The following LIN54 variants were observed in gnomAD, a reference collection of about 807,000 sequenced individuals.
The protein encoded by LIN54 is protein lin-54 homolog.
A neutral mutation model predicts 78.7 loss-of-function variants in LIN54; 9 were observed. The ratio of observed to expected loss-of-function variants is 0.11; its 90% confidence interval spans 0.07 to 0.20. The LOEUF (loss-of-function observed/expected upper bound fraction) is 0.20. Among genes scored for constraint, LIN54 ranks in the 10% least tolerant of loss-of-function variants. The pLI is 1.00. For missense variants in LIN54, 573 were observed against 889.9 expected (o/e 0.64, Z 4.53); for synonymous variants, 269 against 318.4 (o/e 0.84, Z 1.65).
At chr4:82,955,428 C>CAG (rs1724228078) in intron 4 of LIN54, among the ~76,000 whole-genome samples, 2 of 90,146 alleles carry the variant, frequency 2.2e-5, no homozygotes, top group South Asian at 6.1e-4. Context: ...ACATAATGAA[C>CAG]AGACAAGCCA....
At chr4:82,961,930 TG>T (rs1724831128) in intron 4 of LIN54, among the ~76,000 whole-genome samples, 2 of 149,030 alleles carry the variant, frequency 1.3e-5, no homozygotes, top group Admixed American at 1.4e-4. Flanking sequence ...CACTCCAGTC[TG>T]GGCAACAGAG....
chr4:82,998,399 C>T (rs937011727), intron 1 of LIN54, among the ~76,000 whole-genome samples: 1 of 151,960 alleles, frequency 6.6e-6, no homozygotes, highest in African/African-American at 2.4e-5. Flanking sequence ...AAAAATTAGC[C>T]GGGCATGGTG....
At chr4:82,945,264 C>T (rs1578512693) in intron 5 of LIN54, among the ~76,000 whole-genome samples, 1 of 152,188 alleles carries the variant, frequency 6.6e-6, no homozygotes, top group African/African-American at 2.4e-5. Context: ...TGCTTCTTGA[C>T]ATTGTCAGAA....
At chr4:82,988,399 A>G (rs979428110) in intron 1 of LIN54, among the ~76,000 whole-genome samples, 3 of 152,172 alleles carry the variant, frequency 2.0e-5, no homozygotes, top group Non-Finnish European at 4.4e-5. Flanking sequence ...GTACAAATTG[A>G]CCACAATTTG....
chr4:83,008,372 C>A (rs763275662), intron 1 of LIN54, among the ~76,000 whole-genome samples: 1 of 152,116 alleles, frequency 6.6e-6, no homozygotes, highest in Non-Finnish European at 1.5e-5. Flanking sequence ...GAAAATCGGC[C>A]GGGCGCAGTG....
Position 82,992,637 on chromosome 4 carries a change from G to A in LIN54, c.-32-7761C>T, listed in dbSNP as rs142276011. On this transcript the variant is annotated intron_variant, in intron 1 of 12. Transcript: ENST00000340417. ...TGGCGTGAACACGACTCACTGAAGC[G>A]TCGAATTCCCAGGCTCAAGCAATCC... Among the ~76,000 whole-genome samples the A allele has an allele frequency of 3.3e-3, 501 of 152,258 alleles. 2 individuals are homozygous for A. The highest frequency in any genetic ancestry group is 0.011 in the African/African-American group (474 of 41,530).
At chr4:82,956,570 G>A (rs1235418457) in intron 4 of LIN54, among the ~76,000 whole-genome samples, 3 of 151,972 alleles carry the variant, frequency 2.0e-5, no homozygotes, top group Non-Finnish European at 2.9e-5. Flanking sequence ...AGCTGTGATC[G>A]CACCACTGCA....
At chr4:82,947,235 A>ATATATATATGT in intron 4 of LIN54, among the ~76,000 whole-genome samples, 1 of 44,292 alleles carries the variant, frequency 2.3e-5, no homozygotes, top group African/African-American at 1.0e-4. Flanking sequence ...ATATATATAT[A>ATATATATATGT]TTTTTTTTTT....
chr4:82,948,447 T>C (rs1200515858), intron 4 of LIN54, among the ~76,000 whole-genome samples: 1 of 152,192 alleles, frequency 6.6e-6, no homozygotes, highest in East Asian at 1.9e-4. Context: ...TTAAGGTATA[T>C]CACATGATGT....
At chr4:83,012,909 G>A (rs887082022), upstream of LIN54, 1 of 151,536 alleles carries the variant, frequency 6.6e-6, no homozygotes, top group African/African-American at 2.4e-5. Flanking sequence ...CACGCGCCCA[G>A]CCCCATTCCA....
At chr4:82,989,689 G>C (rs1435674835) in intron 1 of LIN54, among the ~76,000 whole-genome samples, 3 of 152,210 alleles carry the variant, frequency 2.0e-5, no homozygotes, top group Non-Finnish European at 4.4e-5. Flanking sequence ...TAAAGCACCT[G>C]AAATTAAAGA....
intron 1 of LIN54, among the ~76,000 whole-genome samples, chr4:83,007,680 G>A (rs1200149880): frequency 6.6e-6 from 1 of 152,094 alleles, no homozygotes; most frequent in African/African-American, 2.4e-5. Context: ...CTGAGCTCAG[G>A]AGTTTGAGAC....
chr4:82,989,421 A>G (rs568765990), intron 1 of LIN54, among the ~76,000 whole-genome samples: 32 of 152,278 alleles, frequency 2.1e-4, no homozygotes, highest in Admixed American at 1.8e-3. Context: ...TACATCAGCA[A>G]TGACAATCAC....
chr4:83,003,676 C>A (rs1451424290), intron 1 of LIN54, among the ~76,000 whole-genome samples: 2 of 151,644 alleles, frequency 1.3e-5, no homozygotes, highest in South Asian at 2.1e-4. Context: ...CAGGTGTGCA[C>A]CACCATGACT....
At chr4:82,949,432 G>A (rs1473157652) in intron 4 of LIN54, among the ~76,000 whole-genome samples, 1 of 151,612 alleles carries the variant, frequency 6.6e-6, no homozygotes, top group African/African-American at 2.4e-5. Context: ...AGTTTCACTC[G>A]GTTGCCCAAG....
intron 1 of LIN54, among the ~76,000 whole-genome samples, chr4:82,989,951 A>C (rs552112513): frequency 2.9e-4 from 44 of 152,266 alleles, no homozygotes; most frequent in African/African-American, 1.0e-3. Context: ...GTGTACAACA[A>C]CCAAAGCACC....
intron 4 of LIN54, among the ~76,000 whole-genome samples, chr4:82,949,019 G>A (rs986098612): frequency 1.3e-5 from 2 of 152,140 alleles, no homozygotes; most frequent in African/African-American, 4.8e-5. Context: ...CATTTCTTCT[G>A]AACATATTCC....
At chr4:83,001,093 T>C (rs757309813) in intron 1 of LIN54, among the ~76,000 whole-genome samples, 21 of 151,976 alleles carry the variant, frequency 1.4e-4, no homozygotes, top group Non-Finnish European at 2.4e-4. Flanking sequence ...GCTGGGATTA[T>C]AGGCATGAGC....
At chr4:82,975,440 G>A (rs1485014148) in intron 3 of LIN54, among the ~76,000 whole-genome samples, 1 of 151,962 alleles carries the variant, frequency 6.6e-6, no homozygotes, top group Admixed American at 6.6e-5. Context: ...GCCAGGCGCG[G>A]TGGCTCATGC....
Sources: allele counts gnomAD v4.1 joint callset (sites outside exome capture counted in the v4.1 genomes callset), GRCh38; gene constraint gnomAD v4.1.1; transcripts MANE v1.5; gene names NCBI Gene and HGNC (gene_info 2026-07-23, HGNC 2026-07-21).